The following GLIS2 variants were observed in gnomAD, a reference collection of about 807,000 sequenced individuals.
The protein encoded by GLIS2 is GLIS family zinc finger 2, also known as zinc finger protein GLIS2.
In GLIS2, 14 loss-of-function variants were observed where a neutral mutation model predicts 35.6. The ratio of observed to expected loss-of-function variants is 0.39; its 90% CI spans 0.26 to 0.61. The LOEUF is 0.61. GLIS2 is among the 20% of genes least tolerant of loss of function. GLIS2 has a pLI of 0.48. For synonymous variants in GLIS2, 368 were observed against 325.1 expected (o/e 1.13, Z -1.42); for missense variants, 675 against 713.4 (o/e 0.95, Z 0.61).
intron 1 of GLIS2, among the ~76,000 whole-genome samples, chr16:4,317,216 C>T (rs1057397347): frequency 6.6e-6 from 1 of 152,160 alleles, no homozygotes; most frequent in African/African-American, 2.4e-5. Flanking sequence ...GCCCTGGGCC[C>T]CCAGCCATCA....
Position 4,339,470 on chromosome 16 carries a change from C to T in GLIS2, c.*1946C>T, listed in dbSNP as rs1452570173. On this transcript the variant is annotated 3_prime_UTR_variant, in exon 7 of 7. Transcript: ENST00000433375. The stretch of plus-strand genomic sequence containing the variant: ...GCCTTTCTATCGTAGCTTATGTTTT[C>T]CTCCTCTTGGCTCCATTGCTGTTAG... 6.5e-6 allele frequency: 1 copy of T among 153,010 alleles called. No homozygotes were observed. Among genetic ancestry groups the T allele is most frequent in the Non-Finnish European group, 1.5e-5 (1 of 68,278 alleles). The allele number at this position is 153,010 out of a possible 1,614,324, so 9.5% of individuals were successfully genotyped here. A position where few individuals can be genotyped will look rare whatever the true frequency, so the allele number is the denominator to read the frequency against.
chr16:4,324,296 A>G (rs1341607380), intron 1 of GLIS2, among the ~76,000 whole-genome samples: 1 of 149,826 alleles, frequency 6.7e-6, no homozygotes, highest in Non-Finnish European at 1.5e-5. Flanking sequence ...CTGCTGGGCC[A>G]GGCCTCAGGA....
At chr16:4,329,594 A>C (rs1420110109) in intron 1 of GLIS2, among the ~76,000 whole-genome samples, 2 of 152,114 alleles carry the variant, frequency 1.3e-5, no homozygotes, top group Non-Finnish European at 2.9e-5. Context: ...ACTTGCTTGG[A>C]GAGTCAGGGC....
In GLIS2 at chr16:4,337,398, G is replaced by A; in HGVS notation, c.1449G>A (p.Leu483=). The A allele has an allele frequency of 6.3e-7, 1 of 1,591,026 alleles. No homozygotes were observed. Among genetic ancestry groups the A allele is most frequent in the Non-Finnish European group, 8.5e-7 (1 of 1,170,350 alleles). Residue 483 remains leucine (L), a synonymous_variant, in exon 7 of 7, where the codon CTG becomes CTA. Coordinates refer to ENST00000433375, the MANE Select transcript of GLIS2 (RefSeq NM_032575.3). ...SRPSPDGLPL[L]PGTVLDLSTG... is the part of the protein sequence containing the mutation. ...CAAGCCCCGATGGACTCCCCCTGCT[G>A]CCAGGCACCGTGCTGGACCTGTCCA...
At chr16:4,333,256 C>T in intron 2 of GLIS2, 91 bp from the exon 3 acceptor site, 3 of 1,470,626 alleles carry the variant, frequency 2.0e-6, no homozygotes, top group Admixed American at 1.8e-5. Context: ...GGTGTCTGCT[C>T]CCAAGGTCAC....
Position 4,337,629 on chromosome 16 carries a change from C to A in GLIS2, c.*105C>A. On this transcript the variant is annotated 3_prime_UTR_variant, in exon 7 of 7. Transcript: ENST00000433375. ...TAGCAATAATGTCCTACTGCCCGGG[C>A]AGCCCCAGCCCAGCCCGCCGGGAGC... 6.7e-7 allele frequency: 1 copy of A among 1,483,550 alleles called. No individual in the cohort carries two copies. The highest frequency in any genetic ancestry group is 2.3e-4 in the Middle Eastern group (1 of 4,348). The allele number at this position is 1,483,550 out of a possible 1,614,324, so 91.9% of individuals were successfully genotyped here.
chr16:4,335,470 GA>G lies in GLIS2; in HGVS notation c.775+78del. 2 of 1,282,998 alleles carry G rather than the reference GA, an allele frequency of 1.6e-6. No homozygotes were observed. The highest frequency in any genetic ancestry group is 2.3e-6 in the Non-Finnish European group (2 of 883,544). The allele number at this position is 1,282,998 out of a possible 1,614,324, so 79.5% of individuals were successfully genotyped here. A position where few individuals can be genotyped will look rare whatever the true frequency, so the allele number is the denominator to read the frequency against. On this transcript the variant is annotated intron_variant, in intron 6 of 6. Coordinates refer to ENST00000433375, the MANE Select transcript of GLIS2 (RefSeq NM_032575.3). This position sits in a 1 kb window ranked among gnomAD's most constrained non-coding sequence, Gnocchi z 4.6. ...GACCGGCTGGGCAGGTCCCCAGGGG[GA>G]GGGGACTGTTAAGTAAATCCCGGGC...
rs1316635102 is a variant in GLIS2 at position 4,337,715 on chromosome 16, T to C, written c.*191T>C. ...AGCCCCCGGGTGGGGACCTGGCCTG[T>C]CATGCAGGGAGAGCTGTGCTCCTGG... On this transcript the variant is annotated 3_prime_UTR_variant, in exon 7 of 7. Transcript: ENST00000433375. 3.9e-6 allele frequency: 3 copies of C among 761,626 alleles called. No individual in the cohort carries two copies. Among genetic ancestry groups the C allele is most frequent in the Non-Finnish European group, 6.5e-6 (3 of 459,534 alleles). The allele number at this position is 761,626 out of a possible 1,614,324, so 47.2% of individuals were successfully genotyped here. A position where few individuals can be genotyped will look rare whatever the true frequency, so the allele number is the denominator to read the frequency against.
chr16:4,316,335 C>T (rs1597329518), intron 1 of GLIS2, among the ~76,000 whole-genome samples, 81 bp downstream of exon 1: 1 of 136,182 alleles, frequency 7.3e-6, no homozygotes, highest in Non-Finnish European at 1.6e-5. Context: ...GCCGGGGCTG[C>T]GGGGCCCGAG....
intron 2 of GLIS2, 69 bp from the exon 3 acceptor site, chr16:4,333,278 G>T: frequency 6.3e-7 from 1 of 1,576,846 alleles, no homozygotes. Context: ...GTGGGGGTTC[G>T]GAGGCAGGAG....
At chr16:4,334,751 G>A in intron 3 of GLIS2, 50 bp from the exon 4 acceptor site, 1 of 1,608,812 alleles carries the variant, frequency 6.2e-7, no homozygotes, top group Non-Finnish European at 8.5e-7. Flanking sequence ...CGATGGGACG[G>A]GGGGCTCTGG....
Position 4,334,793 on chromosome 16 carries a change from C to A in GLIS2, c.346-8C>A, listed in dbSNP as rs2053532194. On this transcript the variant is annotated splice_polypyrimidine_tract_variant and splice_region_variant and intron_variant, in intron 3 of 6. Coordinates refer to ENST00000433375, the MANE Select transcript of GLIS2 (RefSeq NM_032575.3). ...AGGACCTTGACTAGCCCTCCCCTCG[C>A]ACCCCAGGACTTCCAGCCACTGCGC... 1 of 1,613,176 alleles carries A rather than the reference C, an allele frequency of 6.2e-7. No individual in the cohort carries two copies. The highest frequency in any genetic ancestry group is 8.5e-7 in the Non-Finnish European group (1 of 1,179,994).
chr16:4,319,701 G>A (rs926498333), intron 1 of GLIS2, among the ~76,000 whole-genome samples: 2 of 152,326 alleles, frequency 1.3e-5, no homozygotes, highest in Admixed American at 6.5e-5. Context: ...TCTGCTGGGG[G>A]GCCAGCGTGG....
intron 1 of GLIS2, among the ~76,000 whole-genome samples, chr16:4,330,667 ATCTTTGGGG>A: frequency 6.6e-6 from 1 of 152,272 alleles, no homozygotes; most frequent in African/African-American, 2.4e-5. Context: ...CTGGTTCTAG[ATCTTTGGGG>A]TCAAACAGGG....
intron 1 of GLIS2, among the ~76,000 whole-genome samples, chr16:4,324,506 G>A (rs538763885): frequency 6.6e-6 from 1 of 152,316 alleles, no homozygotes; most frequent in South Asian, 2.1e-4. Flanking sequence ...TGTTTAGGGT[G>A]CACGCTGGCT....
Position 4,332,358 on chromosome 16 carries a change from G to T in GLIS2, c.78G>T (p.Arg26Ser). The T allele has an allele frequency of 6.2e-7, 1 of 1,613,144 alleles. No homozygotes were observed. Among genetic ancestry groups the T allele is most frequent in the African/African-American group, 1.3e-5 (1 of 75,060 alleles). Residue 26 changes from arginine (R) to serine (S), a missense_variant, in exon 2 of 7, where the codon AGG (arginine) becomes AGT (serine). Coordinates refer to ENST00000433375, the MANE Select transcript of GLIS2 (RefSeq NM_032575.3). The surrounding 1 kb of genome is among the most constrained non-coding windows in gnomAD (Gnocchi z 5.4). The stretch of plus-strand genomic sequence containing the variant: ...GGGCGGCAAGAGAGAAGCGGGAGAG[G>T]ACGCTGGGTGTGGTCCGGCCCCGTG... ...KLRAAREKRE[R>S]TLGVVRPRAL...
At chr16:4,316,604 A>AG (rs2053315704) in intron 1 of GLIS2, among the ~76,000 whole-genome samples, 1 of 151,158 alleles carries the variant, frequency 6.6e-6, no homozygotes, top group Non-Finnish European at 1.5e-5. Context: ...GCGAGGTGAG[A>AG]GGGGGGTACC....
chr16:4,334,005 G>A (rs1355538767), intron 3 of GLIS2, among the ~76,000 whole-genome samples: 2 of 152,104 alleles, frequency 1.3e-5, no homozygotes, highest in Admixed American at 6.6e-5. Flanking sequence ...CCAGTGGCCC[G>A]GATCTCAGCT....
At position 4,334,870 on chromosome 16, in the gene GLIS2, G is replaced by A. The variant is rs147175353; in HGVS notation, c.415G>A (p.Gly139Arg). ...SFQFFLPLGSGGALHLPASSF... is the reference protein window; with the variant it reads ...SFQFFLPLGSRGALHLPASSF... ...CCAGTTCTTCCTGCCCCTCGGCTCC[G>A]GGGGGGCCCTGCACCTGCCTGCCTC... Residue 139 changes from glycine to arginine, a missense_variant, in exon 4 of 7, where the codon GGG becomes AGG. Coordinates refer to ENST00000433375, the MANE Select transcript of GLIS2 (RefSeq NM_032575.3). The A allele has an allele frequency of 5.9e-4, 951 of 1,612,616 alleles. 2 individuals are homozygous for A. In the African/African-American group the frequency reaches 0.01, roughly 17 times the overall value.
Sources: allele counts gnomAD v4.1 joint callset (sites outside exome capture counted in the v4.1 genomes callset), GRCh38; gene constraint gnomAD v4.1.1; non-coding constraint Gnocchi (gnomAD v3.1); transcripts MANE v1.5; gene names NCBI Gene and HGNC (gene_info 2026-07-23, HGNC 2026-07-21).